Variants in ST3GAL5 observed in about 807,000 individuals in gnomAD.
The protein encoded by ST3GAL5 is ST3 beta-galactoside alpha-2,3-sialyltransferase 5, also known as lactosylceramide alpha-2,3-sialyltransferase.
Under a neutral mutation model 46.1 loss-of-function variants are expected in ST3GAL5, and 25 were observed. The ratio of observed to expected loss-of-function variants is 0.54; its 90% confidence interval spans 0.40 to 0.76. ST3GAL5 has a LOEUF of 0.76. Ranked by LOEUF, ST3GAL5 falls within the 30% of genes least tolerant of loss-of-function variation. ST3GAL5 has a pLI of 0.00. For missense variants in ST3GAL5, 431 were observed against 521.2 expected, an observed-to-expected ratio of 0.83 and a Z score of 1.69; for synonymous variants, 182 against 192.7, an observed-to-expected ratio of 0.94 and a Z score of 0.46.
At chr2:85,867,682 A>G in intron 1 of ST3GAL5, 1 of 780,604 alleles carries the variant, frequency 1.3e-6, no homozygotes, top group Admixed American at 1.7e-5. Context: ...CTGAGGGTGT[A>G]TACACCCAGG....
At chr2:85,884,273 T>C (rs988478057) in intron 1 of ST3GAL5, among the ~76,000 whole-genome samples, 2 of 152,210 alleles carry the variant, frequency 1.3e-5, no homozygotes, top group Non-Finnish European at 2.9e-5. Flanking sequence ...GTCATATCTA[T>C]GTTTTGTAGC....
chr2:85,868,863 C>T (rs866279268), intron 1 of ST3GAL5, among the ~76,000 whole-genome samples: 2 of 152,274 alleles, frequency 1.3e-5, no homozygotes, highest in Middle Eastern at 3.4e-3. Flanking sequence ...AGGTGATCCA[C>T]CCGTCTCAGC....
At chr2:85,852,202 A>G (rs1487787337) in intron 3 of ST3GAL5, among the ~76,000 whole-genome samples, 2 of 152,232 alleles carry the variant, frequency 1.3e-5, no homozygotes, top group Admixed American at 1.3e-4. Flanking sequence ...CAGAGCATTC[A>G]GATTGAAAGA....
chr2:85,840,664 G>A, intron 6 of ST3GAL5: 1 of 476,086 alleles, frequency 2.1e-6, no homozygotes, highest in South Asian at 2.1e-5. Context: ...TCCCCTTCTA[G>A]GCCAGGTGCG....
chr2:85,856,553 C>A (rs759195721), intron 3 of ST3GAL5: 1 of 151,884 alleles, frequency 6.6e-6, no homozygotes, highest in Non-Finnish European at 1.5e-5. Context: ...GTGTATTGCA[C>A]AAAATCACTG....
At chr2:85,881,322 T>C (rs539985379) in intron 1 of ST3GAL5, among the ~76,000 whole-genome samples, 146 of 152,242 alleles carry the variant, frequency 9.6e-4, no homozygotes, top group Non-Finnish European at 1.1e-3. Context: ...TTGGTACCAG[T>C]AGATGGGGCG....
chr2:85,854,945 G>A (rs1468415663), intron 3 of ST3GAL5: 2 of 152,230 alleles, frequency 1.3e-5, no homozygotes, highest in Admixed American at 1.3e-4. Flanking sequence ...AGTAACAGAA[G>A]GGCGAAGGGC....
chr2:85,882,827 T>G (rs1687313572), intron 1 of ST3GAL5, among the ~76,000 whole-genome samples: 1 of 74,078 alleles, frequency 1.3e-5, no homozygotes, highest in African/African-American at 4.4e-5. Context: ...GGAGAGAGAC[T>G]CTGTCTCAAA....
chr2:85,848,225 T>C (rs1197332633), intron 3 of ST3GAL5, 21 bp from the exon 4 acceptor site: 3 of 1,613,916 alleles, frequency 1.9e-6, no homozygotes, highest in Non-Finnish European at 2.5e-6. Flanking sequence ...ATCACACCAA[T>C]CTGGGTTTTA....
At chr2:85,851,486 A>C (rs1018595566) in intron 3 of ST3GAL5, 25 of 1,277,654 alleles carry the variant, frequency 2.0e-5, no homozygotes, top group Non-Finnish European at 2.5e-5. Flanking sequence ...CAGGAGGACC[A>C]CATGGGCCAT....
chr2:85,877,930 G>C (rs1275849597), intron 1 of ST3GAL5, among the ~76,000 whole-genome samples: 1 of 152,164 alleles, frequency 6.6e-6, no homozygotes, highest in Non-Finnish European at 1.5e-5. Context: ...TATATGAGTT[G>C]GGAGTATGGT....
chr2:85,848,596 G>T, intron 3 of ST3GAL5: 1 of 378,582 alleles, frequency 2.6e-6, no homozygotes, highest in Non-Finnish European at 5.0e-6. Flanking sequence ...TATGCTAAGT[G>T]AAGCCAGTCA....
rs1434714004 is a variant in ST3GAL5, at chr2:85,840,305, T to C, written c.1096A>G (p.Asn366Asp). Residue 366 changes from asparagine (N) to aspartate (D), a missense_variant, in exon 7 of 7, where the codon AAT becomes GAT. Asn to Asp is a conservative substitution (Grantham distance 23, BLOSUM62 1). Coordinates refer to ENST00000638572, the MANE Select transcript of ST3GAL5 (RefSeq NM_003896.4). ...TAGTGCAAAGGTGTTCTGGGTTGAT[T>C]GAGGTCATATCCAAAACCCGCCAAA... ...VSLAGFGYDLNQPRTPLHYFD... is the reference protein window; with the variant it reads ...VSLAGFGYDLDQPRTPLHYFD... The C allele has an allele frequency of 2.5e-6, 4 of 1,613,936 alleles. No individual in the cohort carries two copies. Among genetic ancestry groups the C allele is most frequent in the South Asian group, 2.2e-5 (2 of 91,086 alleles).
chr2:85,861,712 C>T lies in ST3GAL5; in HGVS notation c.207-420G>A, dbSNP rs537644792. Among the ~76,000 whole-genome samples the T allele has an allele frequency of 8.6e-5, 13 of 150,916 alleles. No homozygotes were observed. In the East Asian group the frequency reaches 1.2e-3, roughly 14 times the overall value. On this transcript the variant is annotated intron_variant, in intron 2 of 6. Transcript: ENST00000638572. Reference sequence around the variant, plus strand: ...CACAGTACGTCTAAAGAATTCTACCCGGAAGTGAGGCCGACTGGGAAATGA... The same window carrying T: ...CACAGTACGTCTAAAGAATTCTACCTGGAAGTGAGGCCGACTGGGAAATGA...
In ST3GAL5 at chr2:85,839,636, G is replaced by A. The variant is rs1681768967; in HGVS notation, c.*508C>T. The A allele has an allele frequency of 2.8e-5, 6 of 214,718 alleles. No homozygotes were observed. The South Asian group carries it at 4.1e-4, about 15-fold the overall frequency. The allele number at this position is 214,718 out of a possible 1,614,324, so 13.3% of individuals were successfully genotyped here. A position where few individuals can be genotyped will look rare whatever the true frequency, so the allele number is the denominator to read the frequency against. On this transcript the variant is annotated 3_prime_UTR_variant, in exon 7 of 7. Transcript: ENST00000638572. Reference sequence around the variant, plus strand: ...GTTGTGACCTTCTCCAACCAGCCCAGGCCTCACGCCGCTGCATCGCAGACC... The same window carrying A: ...GTTGTGACCTTCTCCAACCAGCCCAAGCCTCACGCCGCTGCATCGCAGACC...
chr2:85,886,114 T>G (rs911885092), intron 1 of ST3GAL5, among the ~76,000 whole-genome samples: 3 of 152,042 alleles, frequency 2.0e-5, no homozygotes, highest in Non-Finnish European at 4.4e-5. Context: ...TCTCAGAAAC[T>G]CAATGCTTAA....
intron 3 of ST3GAL5, among the ~76,000 whole-genome samples, chr2:85,857,894 G>C (rs942065649): frequency 2.6e-5 from 4 of 152,168 alleles, no homozygotes; most frequent in African/African-American, 9.7e-5. Flanking sequence ...CTAAAGGGCA[G>C]CCCTCGCTCA....
intron 1 of ST3GAL5, among the ~76,000 whole-genome samples, chr2:85,878,447 A>G (rs1200971645): frequency 6.6e-6 from 1 of 152,188 alleles, no homozygotes; most frequent in Non-Finnish European, 1.5e-5. Flanking sequence ...TCCTACAAAA[A>G]AGAACAGATT....
In ST3GAL5 at chr2:85,861,225, A is replaced by G. The variant is rs1280742997; in HGVS notation, c.274T>C (p.Cys92Arg). The change falls in exon 3 of 7, where the codon TGT (cysteine) becomes CGT (arginine). Residue 92 changes from cysteine to arginine, a missense_variant. Physicochemically the swap from Cys to Arg is radical, Grantham distance 180. Transcript: ENST00000638572. ...ILKLNYTTEE[C>R]DMKKMHYVDP... ...ACATAATGCATTTTTTTCATGTCACATTCTTCAGTAGTATAATTTAACTTG... is the reference window on the plus strand; with the variant it reads ...ACATAATGCATTTTTTTCATGTCACGTTCTTCAGTAGTATAATTTAACTTG... The G allele has an allele frequency of 1.9e-6, 3 of 1,613,318 alleles. No homozygotes were observed. Among genetic ancestry groups the G allele is most frequent in the Non-Finnish European group, 2.5e-6 (3 of 1,179,580 alleles).
Sources: gnomAD v4.1 joint callset for allele counts (sites outside exome capture counted in the v4.1 genomes callset) on GRCh38, gnomAD v4.1.1 for gene constraint, MANE v1.5 for transcripts, NCBI Gene and HGNC (gene_info 2026-07-23, HGNC 2026-07-21) for gene names.